Variants in PTPRN2 observed in about 807,000 individuals in gnomAD.
PTPRN2 encodes protein tyrosine phosphatase receptor type N2.
A neutral mutation model predicts 118.8 loss-of-function variants in PTPRN2; 74 were observed. That is an observed-to-expected ratio of 0.62 (90% CI 0.52 to 0.76). The LOEUF (loss-of-function observed/expected upper bound fraction) is 0.76, where lower values mean the gene tolerates loss of function less well. Among genes scored for constraint, PTPRN2 ranks in the 30% least tolerant of loss-of-function variants. PTPRN2 has a pLI of 0.00. For synonymous variants in PTPRN2, 641 were observed against 608.0 expected (o/e 1.05, Z -0.80); for missense variants, 1,481 against 1,394.4 (o/e 1.06, Z -0.99).
chr7:158,122,580 C>T (rs1563464696), intron 9 of PTPRN2, among the ~76,000 whole-genome samples: 1 of 152,302 alleles, frequency 6.6e-6, no homozygotes, highest in South Asian at 2.1e-4. Context: ...GTAGTAAAAA[C>T]TCTGGGAAGC....
chr7:157,584,222 C>T (rs527621224), intron 17 of PTPRN2, among the ~76,000 whole-genome samples: 58 of 152,280 alleles, frequency 3.8e-4, no homozygotes, highest in Middle Eastern at 3.4e-3. Flanking sequence ...AGGAAAGCTT[C>T]TCCTCCTTCT....
intron 9 of PTPRN2, among the ~76,000 whole-genome samples, chr7:158,132,602 CAT>C (rs71909050): frequency 0.65 from 97,318 of 150,668 alleles, 32,042 homozygotes; most frequent in African/African-American, 0.75. Context: ...TGCACAGATA[CAT>C]GTCTACCCAA....
At chr7:157,758,728 C>G (rs890246946) in intron 12 of PTPRN2, among the ~76,000 whole-genome samples, 1 of 147,938 alleles carries the variant, frequency 6.8e-6, no homozygotes, top group Non-Finnish European at 1.5e-5. Context: ...GGCTCAGAGA[C>G]GTGGAGGCAG....
At chr7:157,699,334 C>A (rs1177811933) in intron 12 of PTPRN2, among the ~76,000 whole-genome samples, 2 of 152,198 alleles carry the variant, frequency 1.3e-5, no homozygotes, top group Non-Finnish European at 2.9e-5. Flanking sequence ...AAATGATCAC[C>A]ATCAAGTGAC....
At chr7:158,048,134 C>T (rs1051066099) in intron 11 of PTPRN2, among the ~76,000 whole-genome samples, 4 of 129,258 alleles carry the variant, frequency 3.1e-5, no homozygotes, top group Admixed American at 2.2e-4. Context: ...CATATGTATA[C>T]ACACACACAC....
chr7:157,965,208 T>C (rs1000738547), intron 11 of PTPRN2, among the ~76,000 whole-genome samples: 2 of 152,240 alleles, frequency 1.3e-5, no homozygotes, highest in Admixed American at 6.5e-5. Flanking sequence ...TGACTCCATA[T>C]GTATGAAGAT....
chr7:157,963,249 G>A (rs183851498), intron 11 of PTPRN2, among the ~76,000 whole-genome samples: 13 of 152,356 alleles, frequency 8.5e-5, no homozygotes, highest in Admixed American at 3.3e-4. Context: ...CTGTGTGCAC[G>A]CTGTAGAATA....
intron 12 of PTPRN2, among the ~76,000 whole-genome samples, chr7:157,713,745 G>C (rs1424203666): frequency 6.6e-6 from 1 of 152,088 alleles, no homozygotes; most frequent in African/African-American, 2.4e-5. Context: ...AGACATTCCC[G>C]ACAGCTGTGG....
chr7:158,469,200 G>A (rs897465734), intron 2 of PTPRN2, among the ~76,000 whole-genome samples: 7 of 152,202 alleles, frequency 4.6e-5, no homozygotes, highest in Admixed American at 6.5e-5. Flanking sequence ...CCAGCACTTA[G>A]GGAGGCCAAG....
intron 3 of PTPRN2, among the ~76,000 whole-genome samples, chr7:158,232,164 A>G (rs1829198784): frequency 6.6e-6 from 1 of 152,120 alleles, no homozygotes; most frequent in Non-Finnish European, 1.5e-5. Flanking sequence ...AAAATCAATA[A>G]AACAAAAAGT....
intron 12 of PTPRN2, among the ~76,000 whole-genome samples, chr7:157,687,411 G>T (rs1279088362): frequency 6.6e-6 from 1 of 152,176 alleles, no homozygotes; most frequent in East Asian, 1.9e-4. Context: ...CATTCTCTGA[G>T]TCACGATGTG....
rs542357012 is a variant in PTPRN2, at chr7:158,284,396, C to T, written c.277+32423G>A. ...CTCCGAGTCAGTGTACATGAATGCA[C>T]TTGGCCCTCTTGATGCTCTATGAGT... On this transcript the variant is annotated intron_variant, in intron 3 of 22. Transcript: ENST00000389418. Among the ~76,000 whole-genome samples the T allele has an allele frequency of 5.3e-5, 8 of 152,328 alleles. No individual in the cohort carries two copies. The East Asian group carries it at 1.2e-3, about 22-fold the overall frequency.
At chr7:158,391,084 G>A (rs1239855496) in intron 2 of PTPRN2, among the ~76,000 whole-genome samples, 9 of 152,180 alleles carry the variant, frequency 5.9e-5, no homozygotes, top group Non-Finnish European at 8.8e-5. Flanking sequence ...CTCTTGCGAC[G>A]GTTGTAACGC....
At chr7:158,270,496 C>T (rs1256788943) in intron 3 of PTPRN2, among the ~76,000 whole-genome samples, 1 of 152,076 alleles carries the variant, frequency 6.6e-6, no homozygotes, top group East Asian at 1.9e-4. Flanking sequence ...CATAACGTGC[C>T]CCCGACCCCC....
At chr7:157,742,553 T>C (rs1399401737) in intron 12 of PTPRN2, among the ~76,000 whole-genome samples, 1 of 151,912 alleles carries the variant, frequency 6.6e-6, no homozygotes, top group Non-Finnish European at 1.5e-5. Context: ...TGAATGTGGA[T>C]GGCAGGGCAG....
chr7:158,331,366 ACACC>A, intron 2 of PTPRN2, among the ~76,000 whole-genome samples: 1 of 140,584 alleles, frequency 7.1e-6, no homozygotes, highest in Non-Finnish European at 1.5e-5. Context: ...ATAAGAGCTG[ACACC>A]CGCAGAAGTC....
chr7:157,718,773 C>T (rs1295438943), intron 12 of PTPRN2, among the ~76,000 whole-genome samples: 4 of 152,106 alleles, frequency 2.6e-5, no homozygotes, highest in Non-Finnish European at 4.4e-5. Context: ...TGAGTCTCAG[C>T]ACGTCCAGGC....
intron 22 of PTPRN2, among the ~76,000 whole-genome samples, chr7:157,548,143 G>A (rs1798418113): frequency 6.6e-6 from 1 of 152,172 alleles, no homozygotes; most frequent in South Asian, 2.1e-4. Context: ...TTTAACCTGG[G>A]AGGTGGAGGT....
intron 1 of PTPRN2, among the ~76,000 whole-genome samples, chr7:158,566,140 G>A (rs1827653133): frequency 6.6e-6 from 1 of 152,134 alleles, no homozygotes; most frequent in Non-Finnish European, 1.5e-5. Flanking sequence ...ATCACCTGAG[G>A]TTAGGAGTTC....
Sources: allele counts gnomAD v4.1 joint callset (sites outside exome capture counted in the v4.1 genomes callset), GRCh38; gene constraint gnomAD v4.1.1; transcripts MANE v1.5; gene names NCBI Gene and HGNC (gene_info 2026-07-23, HGNC 2026-07-21).